ARB2A: variants seen among roughly 807,000 people sequenced by gnomAD.
ARB2A encodes the protein ARB2 cotranscriptional regulator A, also known as cotranscriptional regulator ARB2A.
chr5:93,700,026 C>A, the ARB2A span, among the ~76,000 whole-genome samples: 1 of 151,956 alleles, frequency 6.6e-6, no homozygotes, highest in Non-Finnish European at 1.5e-5. Context: ...ATAAGTAACA[C>A]AAATTCCAGG....
chr5:93,883,473 GTCC>G, the ARB2A span, among the ~76,000 whole-genome samples: 1 of 151,322 alleles, frequency 6.6e-6, no homozygotes. Flanking sequence ...ATTTTATTTG[GTCC>G]TGCTTTATTC....
the ARB2A span, among the ~76,000 whole-genome samples, chr5:93,667,893 T>C: frequency 1.3e-5 from 2 of 152,172 alleles, no homozygotes; most frequent in African/African-American, 2.4e-5. Context: ...AAGATCTCAA[T>C]GACACTCTTA....
chr5:93,831,913 A>G, the ARB2A span, among the ~76,000 whole-genome samples: 1 of 152,306 alleles, frequency 6.6e-6, no homozygotes, highest in Admixed American at 6.5e-5. Flanking sequence ...TCAAGCTGAA[A>G]TTACAGATTT....
At chr5:93,745,671 A>C in the ARB2A span, among the ~76,000 whole-genome samples, 1 of 151,502 alleles carries the variant, frequency 6.6e-6, no homozygotes, top group African/African-American at 2.4e-5. Flanking sequence ...CAGAGTCTCC[A>C]AAAAAAAATT....
the ARB2A span, among the ~76,000 whole-genome samples, chr5:94,022,920 T>C: frequency 6.6e-6 from 1 of 152,214 alleles, no homozygotes; most frequent in Non-Finnish European, 1.5e-5. Flanking sequence ...TCTGCTTTTG[T>C]GAGGGATTTG....
At chr5:93,665,945 T>G in the ARB2A span, among the ~76,000 whole-genome samples, 1 of 152,126 alleles carries the variant, frequency 6.6e-6, no homozygotes, top group South Asian at 2.1e-4. Context: ...GGCAGCCAGG[T>G]CTAAGCTTGT....
the ARB2A span, among the ~76,000 whole-genome samples, chr5:94,023,654 G>C: frequency 6.6e-6 from 1 of 152,124 alleles, no homozygotes; most frequent in Non-Finnish European, 1.5e-5. Context: ...TGACTGAATG[G>C]AACTCCAGTA....
the ARB2A span, among the ~76,000 whole-genome samples, chr5:94,025,207 G>A: frequency 8.1e-4 from 123 of 152,242 alleles, 1 homozygote; most frequent in Non-Finnish European, 1.5e-3. Flanking sequence ...AGGTACACAG[G>A]GTAGCTTAAA....
the ARB2A span, among the ~76,000 whole-genome samples, chr5:93,744,861 T>C: frequency 6.6e-6 from 1 of 152,172 alleles, no homozygotes; most frequent in Non-Finnish European, 1.5e-5. Context: ...AGGCCAGTCT[T>C]ATCCATGGGG....
At chr5:93,986,455 G>A in the ARB2A span, among the ~76,000 whole-genome samples, 1 of 148,862 alleles carries the variant, frequency 6.7e-6, no homozygotes, top group South Asian at 2.2e-4. Flanking sequence ...GGGCCCCTCT[G>A]CCCGGCCGCC....
the ARB2A span, among the ~76,000 whole-genome samples, chr5:93,669,680 C>T: frequency 1.3e-5 from 2 of 152,254 alleles, no homozygotes; most frequent in Middle Eastern, 6.8e-3. Flanking sequence ...CTCCTGCATA[C>T]TACAAATGAA....
chr5:93,929,741 T>C, the ARB2A span, among the ~76,000 whole-genome samples: 3 of 152,160 alleles, frequency 2.0e-5, no homozygotes, highest in Admixed American at 6.5e-5. Context: ...CAAGACAAAA[T>C]CAAACAGAAA....
chr5:93,664,788 C>T, the ARB2A span, among the ~76,000 whole-genome samples: 1 of 151,982 alleles, frequency 6.6e-6, no homozygotes, highest in Admixed American at 6.6e-5. Flanking sequence ...ACAGTAAAAG[C>T]AGACTGAAGT....
the ARB2A span, among the ~76,000 whole-genome samples, chr5:93,653,640 T>C: frequency 6.0e-5 from 9 of 150,642 alleles, no homozygotes; most frequent in South Asian, 2.2e-4. Context: ...CTTATCTTTA[T>C]TGAACCCAGC....
the ARB2A span, among the ~76,000 whole-genome samples, chr5:93,924,726 G>T: frequency 6.6e-6 from 1 of 152,166 alleles, no homozygotes; most frequent in African/African-American, 2.4e-5. Context: ...TGAATGACTT[G>T]TTCAGTAACT....
the ARB2A span, among the ~76,000 whole-genome samples, chr5:93,831,342 A>G: frequency 3.3e-5 from 5 of 150,272 alleles, no homozygotes; most frequent in Non-Finnish European, 7.4e-5. Context: ...GATTTTGCCT[A>G]CAAAGTAACT....
the ARB2A span, among the ~76,000 whole-genome samples, chr5:93,904,386 C>T: frequency 1.3e-5 from 2 of 151,776 alleles, no homozygotes; most frequent in African/African-American, 4.8e-5. Flanking sequence ...TCATGTGATG[C>T]TCTTTATTAC....
At chr5:93,814,640 T>G in the ARB2A span, among the ~76,000 whole-genome samples, 110 of 152,326 alleles carry the variant, frequency 7.2e-4, 1 homozygote, top group African/African-American at 2.5e-3. Flanking sequence ...TCCCCTATAT[T>G]ATTCTCTTTG....
chr5:93,762,654 C>A, the ARB2A span, among the ~76,000 whole-genome samples: 1 of 151,808 alleles, frequency 6.6e-6, no homozygotes, highest in East Asian at 1.9e-4. Flanking sequence ...AGAAATTCCC[C>A]AATCTAGCAA....
Sources: allele counts gnomAD v4.1 joint callset (sites outside exome capture counted in the v4.1 genomes callset), GRCh38; gene constraint gnomAD v4.1.1; transcripts MANE v1.5; gene names NCBI Gene and HGNC (gene_info 2026-07-23, HGNC 2026-07-21).